The following GLCE variants were observed in gnomAD, a reference collection of about 807,000 sequenced individuals.
The protein encoded by GLCE is D-glucuronyl C5-epimerase.
GLCE carries 19 observed loss-of-function variants against 47.9 expected under a neutral mutation model. The ratio of observed to expected loss-of-function variants is 0.40; its 90% CI spans 0.28 to 0.58. The LOEUF is 0.58. Ranked by LOEUF, GLCE falls within the 20% of genes least tolerant of loss-of-function variation. The pLI is 0.48. For synonymous variants in GLCE, 245 were observed against 263.4 expected (o/e 0.93, Z 0.68); for missense variants, 556 against 743.3 (o/e 0.75, Z 2.93).
At chr15:69,241,082 T>C (rs2052665440) in intron 2 of GLCE, among the ~76,000 whole-genome samples, 1 of 152,180 alleles carries the variant, frequency 6.6e-6, no homozygotes, top group Admixed American at 6.5e-5. Flanking sequence ...GTCATCATCA[T>C]CATCATGATC....
intron 1 of GLCE, among the ~76,000 whole-genome samples, chr15:69,170,109 G>C (rs1387680981): frequency 6.6e-6 from 1 of 151,954 alleles, no homozygotes; most frequent in African/African-American, 2.4e-5. Flanking sequence ...TTGCCATATT[G>C]CTTTCTAGAA....
At chr15:69,225,957 A>G (rs188175097) in intron 2 of GLCE, among the ~76,000 whole-genome samples, 4 of 152,292 alleles carry the variant, frequency 2.6e-5, no homozygotes, top group African/African-American at 9.6e-5. Flanking sequence ...AGTGTTACAT[A>G]TATGACGTTT....
rs182287308 is a variant in GLCE, at chr15:69,180,325, C to A, written c.-105+19568C>A. On this transcript the variant is annotated intron_variant, in intron 1 of 4. Coordinates refer to ENST00000261858, the MANE Select transcript of GLCE (RefSeq NM_015554.3). ...GGCACTGCTCTAGGCTCTGTAAGTA[C>A]CTCAGTGAACAAAACAGACAAAAAT... Among the ~76,000 whole-genome samples, 147 of 152,030 alleles carry A rather than the reference C, an allele frequency of 9.7e-4. 1 individual carries two copies. In the South Asian group the frequency reaches 0.014, roughly 14 times the overall value.
intron 1 of GLCE, among the ~76,000 whole-genome samples, chr15:69,183,493 G>C (rs1267877569): frequency 6.6e-6 from 1 of 152,174 alleles, no homozygotes. Flanking sequence ...TGCTGTGTGG[G>C]CTCTAGACTG....
intron 4 of GLCE, among the ~76,000 whole-genome samples, chr15:69,266,494 T>C (rs79351435): frequency 0.03 from 4,603 of 152,234 alleles, 235 homozygotes; most frequent in African/African-American, 0.1. Context: ...GGCTATTGTA[T>C]TATATTTTTT....
intron 1 of GLCE, among the ~76,000 whole-genome samples, chr15:69,194,114 A>G (rs531701712): frequency 1.3e-5 from 2 of 152,292 alleles, no homozygotes; most frequent in South Asian, 4.1e-4. Context: ...CCTTGGCCCT[A>G]GAAAACAGTT....
At chr15:69,188,656 TTGTC>T (rs1196998016) in intron 1 of GLCE, among the ~76,000 whole-genome samples, 3 of 152,198 alleles carry the variant, frequency 2.0e-5, no homozygotes, top group Non-Finnish European at 4.4e-5. Flanking sequence ...TTCATGGAAT[TTGTC>T]TGTTTCATCT....
At chr15:69,260,437 G>T (rs557578381) in intron 3 of GLCE, among the ~76,000 whole-genome samples, 2 of 151,904 alleles carry the variant, frequency 1.3e-5, no homozygotes, top group African/African-American at 4.8e-5. Context: ...CTTTTTGTAT[G>T]TTAGTAGAGA....
chr15:69,236,451 TGTA>T (rs975566765), intron 2 of GLCE, among the ~76,000 whole-genome samples: 4 of 152,118 alleles, frequency 2.6e-5, no homozygotes, highest in African/African-American at 4.8e-5. Flanking sequence ...AAAATTAGCA[TGTA>T]GTAGTAGTAG....
At chr15:69,235,090 A>AATCTTTTTTTT (rs1163529945) in intron 2 of GLCE, among the ~76,000 whole-genome samples, 3 of 82,488 alleles carry the variant, frequency 3.6e-5, no homozygotes, top group African/African-American at 1.1e-4. Context: ...GATGAAGATT[A>AATCTTTTTTTT]TTCTTTTTTT....
chr15:69,223,853 A>C (rs1417644241), intron 2 of GLCE, among the ~76,000 whole-genome samples: 1 of 151,906 alleles, frequency 6.6e-6, no homozygotes, highest in African/African-American at 2.4e-5. Flanking sequence ...TATGCCTTTG[A>C]ATCTATATAG....
intron 3 of GLCE, 88 bp downstream of exon 3, chr15:69,256,480 A>C (rs778962638): frequency 1.6e-5 from 14 of 901,090 alleles, no homozygotes; most frequent in Non-Finnish European, 2.4e-5. Flanking sequence ...TCAAGTACAT[A>C]GCTTACTGTC....
At chr15:69,183,626 A>C (rs957453662) in intron 1 of GLCE, among the ~76,000 whole-genome samples, 8 of 152,226 alleles carry the variant, frequency 5.3e-5, no homozygotes, top group African/African-American at 1.9e-4. Context: ...CCTGTCAAAC[A>C]ATTGTGTATC....
intron 2 of GLCE, among the ~76,000 whole-genome samples, chr15:69,251,683 T>G (rs7178590): frequency 0.036 from 5,507 of 152,232 alleles, 330 homozygotes; most frequent in African/African-American, 0.13. Context: ...CTTAGAAGAT[T>G]AGGTAAGTTT....
chr15:69,163,398 G>A (rs970362476), intron 1 of GLCE, among the ~76,000 whole-genome samples: 1 of 152,176 alleles, frequency 6.6e-6, no homozygotes, highest in African/African-American at 2.4e-5. Context: ...TAAAAATTGT[G>A]ATACTGCTAA....
In GLCE at chr15:69,256,025, T is replaced by G. The variant is rs759830954; in HGVS notation, c.219T>G (p.Ser73=). ...NYMNHVAKQQ[S]EEAFPQEQQK... ...TGAACCACGTGGCCAAACAACAGTC[T>G]GAGGAAGCATTCCCTCAGGAACAGC... Residue 73 remains serine (S), a synonymous_variant, in exon 3 of 5, where the codon TCT becomes TCG. Transcript: ENST00000261858. 2 of 1,614,084 alleles carry G rather than the reference T, an allele frequency of 1.2e-6. No homozygotes were observed. The highest frequency in any genetic ancestry group is 2.2e-5 in the South Asian group (2 of 91,076).
At chr15:69,194,869 T>A (rs1225020126) in intron 1 of GLCE, among the ~76,000 whole-genome samples, 1 of 152,192 alleles carries the variant, frequency 6.6e-6, no homozygotes, top group Non-Finnish European at 1.5e-5. Context: ...GATTGGAATG[T>A]GAAAATCTCT....
intron 2 of GLCE, among the ~76,000 whole-genome samples, chr15:69,243,580 A>AAAAAGCC (rs1418112041): frequency 1.3e-5 from 2 of 151,564 alleles, no homozygotes; most frequent in African/African-American, 2.4e-5. Flanking sequence ...CAAAAAAAAA[A>AAAAAGCC]AAAGCCAATT....
intron 1 of GLCE, among the ~76,000 whole-genome samples, chr15:69,207,790 A>G (rs1036336825): frequency 5.3e-5 from 8 of 152,046 alleles, no homozygotes; most frequent in African/African-American, 1.9e-4. Context: ...GTCATATGAT[A>G]AATGTATACT....
Sources: gnomAD v4.1 joint callset for allele counts (sites outside exome capture counted in the v4.1 genomes callset) on GRCh38, gnomAD v4.1.1 for gene constraint, MANE v1.5 for transcripts, NCBI Gene and HGNC (gene_info 2026-07-23, HGNC 2026-07-21) for gene names.